CBR4: variants seen among roughly 807,000 people sequenced by gnomAD.
CBR4 encodes the protein carbonyl reductase 4, also known as 3-oxoacyl-[acyl-carrier-protein] reductase.
Under a neutral mutation model 21.0 loss-of-function variants are expected in CBR4, and 22 were observed. The ratio of observed to expected loss-of-function variants is 1.05; its 90% CI spans 0.75 to 1.50. The LOEUF (loss-of-function observed/expected upper bound fraction) is 1.50. Among genes scored for constraint, CBR4 ranks in the 40% most tolerant of loss-of-function variants. The pLI, the probability that CBR4 is intolerant of heterozygous loss-of-function variation, is 0.00. For missense variants in CBR4, 302 were observed against 286.3 expected (o/e 1.05, Z -0.40); for synonymous variants, 100 against 104.4 (o/e 0.96, Z 0.26).
chr4:168,924,922 A>T (rs939449621), intron 2 of CBR4: 1 of 1,613,768 alleles, frequency 6.2e-7, no homozygotes, highest in African/African-American at 1.3e-5. Context: ...TTAGAACCCT[A>T]ATGACTTTAT....
chr4:168,991,571 T>C (rs1764925044), intron 4 of CBR4, among the ~76,000 whole-genome samples: 1 of 152,214 alleles, frequency 6.6e-6, no homozygotes, highest in South Asian at 2.1e-4. Context: ...CTAAAGAATG[T>C]ATTAGGTTCT....
In CBR4 at chr4:168,922,554, G is replaced by A. The variant is rs115956960; in HGVS notation, n.170-27789C>T. Among the ~76,000 whole-genome samples, 450 of 152,216 alleles carry A rather than the reference G, an allele frequency of 3.0e-3. 2 individuals are homozygous for A. The highest frequency in any genetic ancestry group is 0.01 in the African/African-American group (421 of 41,524). ...CCTAGTGCTCTTCTAAACACACTAC[G>A]TCACTGAGCTCTTTCAAGAAATAGA... On this transcript the variant is annotated intron_variant and non_coding_transcript_variant, in intron 2 of 3. Transcript: ENST00000509108.
intron 2 of CBR4, among the ~76,000 whole-genome samples, chr4:168,913,433 G>A (rs953593482): frequency 4.6e-5 from 7 of 151,966 alleles, no homozygotes; most frequent in Admixed American, 2.6e-4. Context: ...CATCGTGCCC[G>A]GCCAGCCACT....
intron 2 of CBR4, chr4:168,927,798 TA>T (rs1424364518): frequency 4.6e-6 from 1 of 216,898 alleles, no homozygotes; most frequent in African/African-American, 2.3e-5. Flanking sequence ...TCGGAACCGA[TA>T]AATTTTAAAA....
intron 2 of CBR4, among the ~76,000 whole-genome samples, chr4:168,966,075 G>GATATTAACA (rs2126740454): frequency 6.6e-6 from 1 of 152,158 alleles, no homozygotes; most frequent in African/African-American, 2.4e-5. Flanking sequence ...ATCAGAAAGT[G>GATATTAACA]GGCAAAGGAT....
intron 2 of CBR4, among the ~76,000 whole-genome samples, chr4:168,942,006 C>T (rs184408914): frequency 1.0e-3 from 152 of 151,988 alleles, no homozygotes; most frequent in African/African-American, 3.2e-3. Flanking sequence ...ATGATAGACT[C>T]GATAAAGAAA....
chr4:168,927,957 A>T (rs941171389), intron 2 of CBR4: 11 of 197,538 alleles, frequency 5.6e-5, no homozygotes, highest in African/African-American at 2.3e-4. Context: ...TACTCAATTC[A>T]TACGTAGTAT....
chr4:168,935,256 C>A (rs1339801347), intron 2 of CBR4, among the ~76,000 whole-genome samples: 1 of 152,234 alleles, frequency 6.6e-6, no homozygotes, highest in East Asian at 1.9e-4. Context: ...AGATACCACG[C>A]TTTTCCCACG....
intron 4 of CBR4, among the ~76,000 whole-genome samples, chr4:168,995,689 A>T (rs1460465314): frequency 6.6e-6 from 1 of 152,086 alleles, no homozygotes; most frequent in Non-Finnish European, 1.5e-5. Flanking sequence ...AATGCCTTTC[A>T]CACTAGGCTA....
At chr4:168,941,701 T>C (rs368048824) in intron 2 of CBR4, among the ~76,000 whole-genome samples, 4 of 152,360 alleles carry the variant, frequency 2.6e-5, no homozygotes, top group South Asian at 4.1e-4. Context: ...AAAGCCTTCC[T>C]ATTTCTCCAC....
intron 2 of CBR4, among the ~76,000 whole-genome samples, chr4:168,968,802 T>C (rs866729659): frequency 6.6e-6 from 1 of 152,240 alleles, no homozygotes; most frequent in Non-Finnish European, 1.5e-5. Flanking sequence ...TTATTTCCGA[T>C]TTACTATCTT....
At chr4:168,902,859 C>A (rs1249760812) in intron 2 of CBR4, among the ~76,000 whole-genome samples, 1 of 152,152 alleles carries the variant, frequency 6.6e-6, no homozygotes, top group Non-Finnish European at 1.5e-5. Context: ...ACAGCCTCAA[C>A]CTCCTGGGCT....
intron 4 of CBR4, 61 bp downstream of exon 4, chr4:169,002,010 T>G: frequency 7.5e-7 from 1 of 1,336,014 alleles, no homozygotes; most frequent in East Asian, 2.5e-5. Flanking sequence ...ATGTTCCAAA[T>G]AATGGCTTCC....
intron 2 of CBR4, among the ~76,000 whole-genome samples, chr4:168,918,180 G>A (rs1285459212): frequency 1.3e-4 from 19 of 148,914 alleles, no homozygotes; most frequent in African/African-American, 4.2e-4. Flanking sequence ...AAGACTCCCC[G>A]TCTCCCCCAC....
chr4:168,962,895 A>C (rs563317900), intron 2 of CBR4, among the ~76,000 whole-genome samples: 9 of 152,268 alleles, frequency 5.9e-5, no homozygotes, highest in Admixed American at 3.9e-4. Context: ...CCAAGGGGCA[A>C]AAACAGTTTT....
At chr4:168,932,242 T>TAAA in intron 2 of CBR4, among the ~76,000 whole-genome samples, 1 of 131,422 alleles carries the variant, frequency 7.6e-6, no homozygotes, top group African/African-American at 2.8e-5. Context: ...ACAAAGAACA[T>TAAA]AAAAAAAAAA....
At chr4:168,985,125 G>A (rs1278923452), downstream of CBR4, among the ~76,000 whole-genome samples, 1 of 152,086 alleles carries the variant, frequency 6.6e-6, no homozygotes, top group Non-Finnish European at 1.5e-5. Flanking sequence ...TACAAAATGG[G>A]AGAATATATT....
In CBR4 at chr4:169,010,118, G is replaced by A. The variant is rs555493415; in HGVS notation, c.-29C>T. The A allele has an allele frequency of 4.5e-6, 7 of 1,571,912 alleles. No homozygotes were observed. The highest frequency in any genetic ancestry group is 6.1e-6 in the Non-Finnish European group (7 of 1,156,400). Reference sequence around the variant, plus strand: ...GGAGTCACAAACTCGGAGGAAAGAGGGTAGGGAGTGGGAGCCCCTCTCCAG... The same window carrying A: ...GGAGTCACAAACTCGGAGGAAAGAGAGTAGGGAGTGGGAGCCCCTCTCCAG... On this transcript the variant is annotated 5_prime_UTR_variant, in exon 1 of 5. Coordinates refer to ENST00000306193, the MANE Select transcript of CBR4 (RefSeq NM_032783.5).
chr4:168,966,356 C>CAAAAAAAAA (rs1215042926), intron 2 of CBR4, among the ~76,000 whole-genome samples: 864 of 74,844 alleles, frequency 0.012, 1 homozygote, highest in African/African-American at 0.016. Flanking sequence ...ACTAAAAATA[C>CAAAAAAAAA]AAAAAAAAAA....
Sources: gnomAD v4.1 joint callset for allele counts (sites outside exome capture counted in the v4.1 genomes callset) on GRCh38, gnomAD v4.1.1 for gene constraint, MANE v1.5 for transcripts, NCBI Gene and HGNC (gene_info 2026-07-23, HGNC 2026-07-21) for gene names.